Variants in ST7 observed in about 807,000 individuals in gnomAD.
ST7 encodes suppression of tumorigenicity 7.
In ST7, 28 loss-of-function variants were observed where a neutral mutation model predicts 78.7. The ratio of observed to expected loss-of-function variants is 0.36; its 90% confidence interval spans 0.26 to 0.49. The LOEUF (loss-of-function observed/expected upper bound fraction) is 0.49. ST7 is among the 20% of genes least tolerant of loss of function. The pLI is 0.99. For synonymous variants in ST7, 247 were observed against 249.6 expected (o/e 0.99, Z 0.10); for missense variants, 418 against 696.0 (o/e 0.60, Z 4.49).
intron 1 of ST7, among the ~76,000 whole-genome samples, chr7:117,061,595 C>G (rs893122195): frequency 6.6e-6 from 1 of 151,764 alleles, no homozygotes; most frequent in African/African-American, 2.4e-5. Flanking sequence ...TTCAGAAGAC[C>G]AAAGGGCCTG....
intron 15 of ST7, among the ~76,000 whole-genome samples, chr7:117,229,095 TTCTCTACA>T (rs1793620172): frequency 1.3e-5 from 2 of 152,246 alleles, no homozygotes; most frequent in Admixed American, 1.3e-4. Context: ...ATGAGCTTTA[TTCTCTACA>T]TGAAAAGCAG....
intron 1 of ST7, 168 bp downstream of exon 1, chr7:116,953,859 C>T (rs968238001): frequency 5.3e-5 from 14 of 264,066 alleles, no homozygotes; most frequent in South Asian, 2.8e-4. Flanking sequence ...GCGGCGGGGC[C>T]GGGCAGCTGG....
chr7:117,103,113 C>T (rs1290118194), intron 2 of ST7, among the ~76,000 whole-genome samples: 1 of 151,994 alleles, frequency 6.6e-6, no homozygotes, highest in Non-Finnish European at 1.5e-5. Context: ...ATTTTGTGCT[C>T]GTGGATTGGA....
intron 1 of ST7, among the ~76,000 whole-genome samples, chr7:117,067,919 G>A (rs1006585773): frequency 2.0e-5 from 3 of 152,196 alleles, no homozygotes; most frequent in Admixed American, 1.3e-4. Context: ...CATGGTGTTG[G>A]CTGAGCTGGG....
chr7:117,108,838 T>G (rs942810072), intron 2 of ST7, among the ~76,000 whole-genome samples: 2 of 152,104 alleles, frequency 1.3e-5, no homozygotes, highest in Non-Finnish European at 2.9e-5. Context: ...TAAGTATTTT[T>G]TTATTTTTTT....
intron 10 of ST7, among the ~76,000 whole-genome samples, chr7:117,175,617 C>T (rs1808291286): frequency 6.6e-6 from 1 of 152,152 alleles, no homozygotes; most frequent in Admixed American, 6.6e-5. Flanking sequence ...GAGCAAATTA[C>T]TTAACATTCC....
intron 1 of ST7, among the ~76,000 whole-genome samples, chr7:116,974,066 G>A (rs1272978137): frequency 1.3e-5 from 2 of 151,998 alleles, no homozygotes; most frequent in Non-Finnish European, 2.9e-5. Flanking sequence ...TTCAATTATT[G>A]ATTGGGAGAG....
At chr7:117,160,165 G>A (rs1807013446) in intron 9 of ST7, among the ~76,000 whole-genome samples, 1 of 150,414 alleles carries the variant, frequency 6.6e-6, no homozygotes, top group African/African-American at 2.5e-5. Flanking sequence ...CCCAGGAGGC[G>A]GAGGTTGCAG....
intron 9 of ST7, among the ~76,000 whole-genome samples, chr7:117,148,317 C>G (rs1805972545): frequency 6.6e-6 from 1 of 151,938 alleles, no homozygotes; most frequent in Non-Finnish European, 1.5e-5. Context: ...TTAAGAATAC[C>G]TACTCTAACT....
chr7:117,185,008 G>C (rs978391070), intron 10 of ST7, among the ~76,000 whole-genome samples: 4 of 152,042 alleles, frequency 2.6e-5, no homozygotes, highest in Non-Finnish European at 5.9e-5. Flanking sequence ...TTTGTGGGGT[G>C]AGGTGGGAAT....
chr7:116,999,604 G>C (rs111541513), intron 1 of ST7, among the ~76,000 whole-genome samples: 118 of 152,178 alleles, frequency 7.8e-4, no homozygotes, highest in African/African-American at 2.8e-3. Context: ...AATAAAACAA[G>C]GTTTTGCCCT....
chr7:117,208,559 C>T (rs1037562122), intron 12 of ST7, among the ~76,000 whole-genome samples: 3 of 152,092 alleles, frequency 2.0e-5, no homozygotes, highest in African/African-American at 4.8e-5. Flanking sequence ...CCATACACCT[C>T]GACACCAACC....
intron 1 of ST7, among the ~76,000 whole-genome samples, chr7:117,054,631 T>A (rs1272005691): frequency 2.6e-5 from 4 of 152,224 alleles, no homozygotes; most frequent in Non-Finnish European, 5.9e-5. Context: ...GCTTGAGGTG[T>A]GGGCTTTGGT....
intron 10 of ST7, among the ~76,000 whole-genome samples, chr7:117,188,214 C>T (rs377224302): frequency 3.3e-5 from 5 of 152,268 alleles, no homozygotes; most frequent in African/African-American, 1.2e-4. Context: ...TTGTTTTCTT[C>T]TGCCTCTGTC....
Position 117,106,004 on chromosome 7 carries a change from T to G in ST7, c.234+6160T>G, listed in dbSNP as rs149845936. 4.1e-3 allele frequency among the ~76,000 whole-genome samples: 624 copies of G among 151,662 alleles called. 3 individuals carry two copies. The highest frequency in any genetic ancestry group is 0.013 in the African/African-American group (524 of 41,374). ...TGTTTTTGTTTTTGTTTTTGTTTTT[T>G]TTTTTGAGACGGAGTCTCGCTGTGT... On this transcript the variant is annotated intron_variant, in intron 2 of 15. Coordinates refer to ENST00000323984, the MANE Select transcript of ST7 (RefSeq NM_001369598.1).
intron 1 of ST7, among the ~76,000 whole-genome samples, chr7:117,039,518 G>A (rs1797093104): frequency 6.6e-6 from 1 of 151,416 alleles, no homozygotes; most frequent in Non-Finnish European, 1.5e-5. Context: ...AGGCTGCAGT[G>A]AGCCCTGATG....
chr7:117,033,816 A>T (rs1274455037), intron 1 of ST7, among the ~76,000 whole-genome samples: 1 of 152,174 alleles, frequency 6.6e-6, no homozygotes, highest in Admixed American at 6.5e-5. Flanking sequence ...ATAGACTGAA[A>T]TGCTCATTCT....
chr7:117,010,002 G>T (rs1460130514), intron 1 of ST7, among the ~76,000 whole-genome samples: 1 of 152,156 alleles, frequency 6.6e-6, no homozygotes, highest in Non-Finnish European at 1.5e-5. Flanking sequence ...CTTATCTGAA[G>T]GTTTGGAGTT....
intron 3 of ST7, 103 bp downstream of exon 3, chr7:117,119,823 G>A: frequency 2.2e-6 from 3 of 1,355,696 alleles, no homozygotes; most frequent in Non-Finnish European, 3.0e-6. Flanking sequence ...TAAACATTAG[G>A]CTTCAGAGAA....
Sources: gnomAD v4.1 joint callset for allele counts (sites outside exome capture counted in the v4.1 genomes callset) on GRCh38, gnomAD v4.1.1 for gene constraint, MANE v1.5 for transcripts, NCBI Gene and HGNC (gene_info 2026-07-23, HGNC 2026-07-21) for gene names.